CA10: variants seen among roughly 807,000 people sequenced by gnomAD.
CA10 encodes the protein carbonic anhydrase-related protein 10.
Under a neutral mutation model 44.2 loss-of-function variants are expected in CA10, and 14 were observed. That is an observed-to-expected ratio of 0.32 (90% CI 0.21 to 0.50). The LOEUF (loss-of-function observed/expected upper bound fraction) is 0.50. CA10 is among the 20% of genes least tolerant of loss of function. CA10 has a pLI of 0.99. For missense variants in CA10, 350 were observed against 409.7 expected, an observed-to-expected ratio of 0.85 and a Z score of 1.26; for synonymous variants, 159 against 141.6, an observed-to-expected ratio of 1.12 and a Z score of -0.87.
At chr17:51,815,254 A>G (rs1907520694) in intron 3 of CA10, among the ~76,000 whole-genome samples, 1 of 152,082 alleles carries the variant, frequency 6.6e-6, no homozygotes, top group Non-Finnish European at 1.5e-5. Context: ...ACAACAAAGA[A>G]TTATCCTGCA....
intron 3 of CA10, among the ~76,000 whole-genome samples, chr17:51,805,388 A>G (rs1598053723): frequency 6.6e-6 from 1 of 152,216 alleles, no homozygotes; most frequent in Non-Finnish European, 1.5e-5. Context: ...TGAGTAAACA[A>G]TTGAGTAACG....
chr17:51,727,822 C>A, intron 4 of CA10, among the ~76,000 whole-genome samples: 1 of 152,012 alleles, frequency 6.6e-6, no homozygotes. Flanking sequence ...AGACGATGCC[C>A]CTGTTATTGC....
intron 1 of CA10, among the ~76,000 whole-genome samples, chr17:52,124,287 G>A (rs1989072839): frequency 6.6e-6 from 1 of 152,092 alleles, no homozygotes; most frequent in Non-Finnish European, 1.5e-5. Context: ...TATGAAGAAG[G>A]CAATGCAAAA....
intron 2 of CA10, among the ~76,000 whole-genome samples, chr17:51,997,009 A>G (rs1252055654): frequency 6.6e-6 from 1 of 152,052 alleles, no homozygotes; most frequent in African/African-American, 2.4e-5. Context: ...AGGGGTTCAG[A>G]GCTTCTAGGT....
intron 2 of CA10, among the ~76,000 whole-genome samples, chr17:51,973,178 GAGAGAAC>G (rs1238351536): frequency 2.0e-5 from 3 of 152,224 alleles, no homozygotes; most frequent in African/African-American, 4.8e-5. Flanking sequence ...ACATGGATAA[GAGAGAAC>G]ACAAGGCTGT....
chr17:51,671,500 G>A (rs1008884841), intron 4 of CA10, among the ~76,000 whole-genome samples: 1 of 152,122 alleles, frequency 6.6e-6, no homozygotes, highest in African/African-American at 2.4e-5. Flanking sequence ...CACCTCCCGG[G>A]TTCACGCCGT....
intron 4 of CA10, among the ~76,000 whole-genome samples, chr17:51,691,621 T>C (rs535047828): frequency 5.3e-5 from 8 of 151,942 alleles, no homozygotes; most frequent in African/African-American, 1.9e-4. Flanking sequence ...TGTTCATATA[T>C]AAAAAAAATC....
chr17:51,751,223 TC>T (rs747486910), intron 3 of CA10, among the ~76,000 whole-genome samples: 1 of 152,074 alleles, frequency 6.6e-6, no homozygotes, highest in Non-Finnish European at 1.5e-5. Context: ...GTAGCCAAAA[TC>T]ATAGAAACAG....
intron 2 of CA10, among the ~76,000 whole-genome samples, chr17:52,066,255 TAGA>T (rs1030340169): frequency 1.3e-4 from 20 of 152,146 alleles, no homozygotes; most frequent in African/African-American, 4.6e-4. Context: ...TTGGAGGGCT[TAGA>T]AGAAGACAGA....
At chr17:51,741,272 G>A (rs548303635) in intron 4 of CA10, among the ~76,000 whole-genome samples, 8 of 152,286 alleles carry the variant, frequency 5.3e-5, no homozygotes, top group African/African-American at 1.2e-4. Context: ...CCAGGGTAGC[G>A]CTTAATTGTT....
At chr17:52,055,006 G>C (rs1201450298) in intron 2 of CA10, among the ~76,000 whole-genome samples, 3 of 151,922 alleles carry the variant, frequency 2.0e-5, no homozygotes, top group Non-Finnish European at 2.9e-5. Context: ...AAACAAAACA[G>C]GAAAAGAAAT....
chr17:51,757,534 T>C (rs1905109142), intron 3 of CA10, among the ~76,000 whole-genome samples: 1 of 152,258 alleles, frequency 6.6e-6, no homozygotes, highest in South Asian at 2.1e-4. Flanking sequence ...TGTAGCACTC[T>C]TCCCCCTCCT....
chr17:51,737,043 A>C (rs1223351446), intron 4 of CA10, among the ~76,000 whole-genome samples: 1 of 152,178 alleles, frequency 6.6e-6, no homozygotes, highest in African/African-American at 2.4e-5. Flanking sequence ...ACAATCAGGC[A>C]CTTATGATTA....
intron 3 of CA10, among the ~76,000 whole-genome samples, chr17:51,858,710 G>C (rs1011904023): frequency 1.3e-5 from 2 of 152,188 alleles, no homozygotes; most frequent in Non-Finnish European, 2.9e-5. Flanking sequence ...GCCTCTGCTG[G>C]AACATTGTAA....
intron 4 of CA10, among the ~76,000 whole-genome samples, chr17:51,746,640 G>A (rs1049908601): frequency 2.6e-5 from 4 of 152,174 alleles, no homozygotes; most frequent in African/African-American, 9.7e-5. Context: ...GAGCTCCTCT[G>A]TGGTAGGAGC....
At chr17:52,009,756 CTTAA>C (rs1220841672) in intron 2 of CA10, among the ~76,000 whole-genome samples, 3 of 151,912 alleles carry the variant, frequency 2.0e-5, no homozygotes, top group Admixed American at 6.6e-5. Context: ...ACAGATGGGA[CTTAA>C]TTAAACTAAA....
chr17:51,807,304 A>G (rs2143730733), intron 3 of CA10, among the ~76,000 whole-genome samples: 1 of 152,346 alleles, frequency 6.6e-6, no homozygotes, highest in South Asian at 2.1e-4. Flanking sequence ...GCCCACAGAA[A>G]TGAAAGGACT....
intron 3 of CA10, among the ~76,000 whole-genome samples, chr17:51,783,374 CTAAA>C (rs534769878): frequency 2.8e-4 from 43 of 152,290 alleles, no homozygotes; most frequent in African/African-American, 8.7e-4. Flanking sequence ...TTATTAATGG[CTAAA>C]TAAAAACTCA....
intron 4 of CA10, among the ~76,000 whole-genome samples, chr17:51,742,040 T>G (rs1370484131): frequency 6.6e-6 from 1 of 152,188 alleles, no homozygotes; most frequent in Admixed American, 6.5e-5. Context: ...AGGCTGGACT[T>G]GGTCCACAGG....
Sources: gnomAD v4.1 joint callset for allele counts (sites outside exome capture counted in the v4.1 genomes callset) on GRCh38, gnomAD v4.1.1 for gene constraint, MANE v1.5 for transcripts, NCBI Gene and HGNC (gene_info 2026-07-23, HGNC 2026-07-21) for gene names.